Variants in EPB41L1 observed in about 807,000 individuals in gnomAD.
EPB41L1 encodes erythrocyte membrane protein band 4.1 like 1.
A neutral mutation model predicts 97.8 loss-of-function variants in EPB41L1; 29 were observed. The observed-to-expected ratio is 0.30, with a 90% CI of 0.22 to 0.40. The LOEUF (loss-of-function observed/expected upper bound fraction) is 0.40. Ranked by LOEUF, EPB41L1 falls within the 10% of genes least tolerant of loss-of-function variation. The pLI, the probability that EPB41L1 is intolerant of heterozygous loss-of-function variation, is 1.00. For missense variants in EPB41L1, 812 were observed against 1,162.3 expected (o/e 0.70, Z 4.38); for synonymous variants, 383 against 459.2 (o/e 0.83, Z 2.12).
chr20:36,210,179 C>A (rs374804688), intron 15 of EPB41L1, among the ~76,000 whole-genome samples: 40 of 152,286 alleles, frequency 2.6e-4, no homozygotes, highest in South Asian at 8.3e-4. Context: ...CATGCCCCCC[C>A]ACCTGTGTTG....
intron 14 of EPB41L1, among the ~76,000 whole-genome samples, chr20:36,201,636 A>T (rs2062503543): frequency 6.6e-6 from 1 of 152,198 alleles, no homozygotes; most frequent in South Asian, 2.1e-4. Context: ...TTAGGGTTGT[A>T]GAGAGATTGG....
intron 1 of EPB41L1, among the ~76,000 whole-genome samples, chr20:36,171,647 CTGGCTTTCTATCCAGTGCTCT>C (rs2060994452): frequency 6.6e-6 from 1 of 152,196 alleles, no homozygotes; most frequent in Non-Finnish European, 1.5e-5. Flanking sequence ...CTCAGGGTCC[CTGGCTTTCTATCCAGTGCTCT>C]TGGCTTTGGG....
intron 1 of EPB41L1, among the ~76,000 whole-genome samples, chr20:36,107,322 G>T (rs1038713462): frequency 6.7e-6 from 1 of 149,284 alleles, no homozygotes; most frequent in Non-Finnish European, 1.5e-5. Flanking sequence ...CCGGCTTCGA[G>T]CAATTCTCCT....
chr20:36,223,042 G>A (rs904296667), intron 21 of EPB41L1, among the ~76,000 whole-genome samples: 40 of 151,922 alleles, frequency 2.6e-4, no homozygotes, highest in Non-Finnish European at 5.4e-4. Flanking sequence ...GACCACAGGC[G>A]CCCGCCACTG....
Position 36,207,833 on chromosome 20 carries a change from C to A in EPB41L1, c.1669-1655C>A, listed in dbSNP as rs2062913408. On this transcript the variant is annotated intron_variant, in intron 14 of 21. Coordinates refer to ENST00000338074, the MANE Select transcript of EPB41L1 (RefSeq NM_012156.2). The surrounding 1 kb of genome is among the most constrained non-coding windows in gnomAD (Gnocchi z 4.9). Reference sequence around the variant, plus strand: ...CACCGCTGCTCCCCGCCCATGGGGGCTGGCCGCATGCTCTGTAGTTTTTAG... The same window carrying A: ...CACCGCTGCTCCCCGCCCATGGGGGATGGCCGCATGCTCTGTAGTTTTTAG... The A allele has an allele frequency of 8.0e-7, 1 of 1,253,176 alleles. No individual in the cohort carries two copies. Among genetic ancestry groups the A allele is most frequent in the African/African-American group, 1.5e-5 (1 of 65,008 alleles). The allele number at this position is 1,253,176 out of a possible 1,614,324, so 77.6% of individuals were successfully genotyped here. A position where few individuals can be genotyped will look rare whatever the true frequency, so the allele number is the denominator to read the frequency against.
intron 16 of EPB41L1, among the ~76,000 whole-genome samples, chr20:36,213,152 C>A (rs1397562598): frequency 6.6e-6 from 1 of 152,148 alleles, no homozygotes; most frequent in African/African-American, 2.4e-5. Context: ...AATCCCAGCA[C>A]TTTGTGAGGC....
chr20:36,160,396 C>T (rs1221589979), intron 1 of EPB41L1, among the ~76,000 whole-genome samples: 2 of 152,034 alleles, frequency 1.3e-5, no homozygotes, highest in Non-Finnish European at 1.5e-5. Context: ...CCAGCCTGGC[C>T]AACATGGTGA....
At chr20:36,183,840 TG>T (rs573079098) in intron 6 of EPB41L1, among the ~76,000 whole-genome samples, 255 of 152,286 alleles carry the variant, frequency 1.7e-3, no homozygotes, top group Non-Finnish European at 2.8e-3. Flanking sequence ...GCCTTGGCCC[TG>T]GGCGCACACT....
chr20:36,184,970 C>G (rs1443542227), intron 6 of EPB41L1, 147 bp from the exon 7 acceptor site: 2 of 753,584 alleles, frequency 2.7e-6, no homozygotes, highest in Non-Finnish European at 4.5e-6. Context: ...TGAGACATAC[C>G]CAGATTGTCA....
chr20:36,168,716 G>A (rs1202157062), intron 1 of EPB41L1, among the ~76,000 whole-genome samples: 4 of 151,708 alleles, frequency 2.6e-5, no homozygotes, highest in Non-Finnish European at 4.4e-5. Flanking sequence ...ACCACGCCCA[G>A]CTAATTTTTG....
At chr20:36,155,765 G>A in intron 1 of EPB41L1, 1 of 407,998 alleles carries the variant, frequency 2.5e-6, no homozygotes, top group Non-Finnish European at 5.0e-6. Flanking sequence ...ATTGGTGGGG[G>A]AGAGAGCACC....
intron 1 of EPB41L1, among the ~76,000 whole-genome samples, chr20:36,105,788 T>G (rs80106383): frequency 0.011 from 1,700 of 152,234 alleles, 17 homozygotes; most frequent in Non-Finnish European, 0.017. Flanking sequence ...CAGAGTTAAT[T>G]GTTAAACCTA....
chr20:36,170,291 A>C (rs201714673), intron 1 of EPB41L1, among the ~76,000 whole-genome samples: 41 of 152,280 alleles, frequency 2.7e-4, no homozygotes, highest in East Asian at 1.7e-3. Context: ...AGGAATCTCC[A>C]AGTATAGTAG....
intron 2 of EPB41L1, among the ~76,000 whole-genome samples, chr20:36,144,827 G>T (rs984756343): frequency 2.6e-5 from 4 of 152,168 alleles, no homozygotes; most frequent in Non-Finnish European, 5.9e-5. Context: ...ACTCTTCTAA[G>T]ATATTTACAT....
intron 17 of EPB41L1, among the ~76,000 whole-genome samples, chr20:36,216,992 G>C (rs370445344): frequency 6.6e-6 from 1 of 152,282 alleles, no homozygotes; most frequent in African/African-American, 2.4e-5. Context: ...GGTCCTTTGG[G>C]CTCCTCCTTA....
chr20:36,198,953 C>T (rs902958091), intron 14 of EPB41L1, among the ~76,000 whole-genome samples: 5 of 152,008 alleles, frequency 3.3e-5, no homozygotes, highest in South Asian at 2.1e-4. Context: ...AAGGATTAAA[C>T]GAGATAATGC....
At chr20:36,121,913 G>A (rs572292587) in intron 2 of EPB41L1, 1 of 152,334 alleles carries the variant, frequency 6.6e-6, no homozygotes, top group Admixed American at 6.5e-5. Flanking sequence ...CTGAAACTAC[G>A]CACTTAACCT....
chr20:36,192,941 A>G (rs2062027802), intron 11 of EPB41L1, among the ~76,000 whole-genome samples: 1 of 152,250 alleles, frequency 6.6e-6, no homozygotes, highest in Admixed American at 6.5e-5. Context: ...TGTCTGGTAT[A>G]TGAAAATGAG....
intron 2 of EPB41L1, among the ~76,000 whole-genome samples, chr20:36,136,821 T>C (rs1261378495): frequency 6.6e-6 from 1 of 152,020 alleles, no homozygotes; most frequent in Non-Finnish European, 1.5e-5. Flanking sequence ...TGGCTTCAAG[T>C]AATCCTCCTG....
Sources: allele counts gnomAD v4.1 joint callset (sites outside exome capture counted in the v4.1 genomes callset), GRCh38; gene constraint gnomAD v4.1.1; non-coding constraint Gnocchi (gnomAD v3.1); transcripts MANE v1.5; gene names NCBI Gene and HGNC (gene_info 2026-07-23, HGNC 2026-07-21).